Variants in RIMS2 observed in about 807,000 individuals in gnomAD.
RIMS2 encodes the protein regulating synaptic membrane exocytosis 2.
A neutral mutation model predicts 174.4 loss-of-function variants in RIMS2; 59 were observed. The observed-to-expected ratio is 0.34, with a 90% CI of 0.27 to 0.42. RIMS2 has a LOEUF of 0.42. Among genes scored for constraint, RIMS2 ranks in the 10% least tolerant of loss-of-function variants. The pLI, the probability that RIMS2 is intolerant of heterozygous loss-of-function variation, is 1.00. For synonymous variants in RIMS2, 606 were observed against 572.5 expected, an observed-to-expected ratio of 1.06 and a Z score of -0.84; for missense variants, 1,620 against 1,666.3, an observed-to-expected ratio of 0.97 and a Z score of 0.48.
chr8:104,161,541 A>G (rs1209359010), intron 19 of RIMS2, among the ~76,000 whole-genome samples: 1 of 152,208 alleles, frequency 6.6e-6, no homozygotes. Flanking sequence ...CATTTTGTCA[A>G]TAAGAAAGAC....
intron 19 of RIMS2, among the ~76,000 whole-genome samples, chr8:104,060,755 T>C (rs1448202559): frequency 6.6e-6 from 1 of 152,184 alleles, no homozygotes; most frequent in Non-Finnish European, 1.5e-5. Context: ...GTCCCAGAGA[T>C]TGTGGTATGT....
intron 19 of RIMS2, among the ~76,000 whole-genome samples, chr8:104,237,508 G>C (rs759752869): frequency 1.3e-5 from 2 of 152,088 alleles, no homozygotes; most frequent in African/African-American, 2.4e-5. Flanking sequence ...GGACAAACAA[G>C]TCACATGACC....
chr8:104,141,715 A>G (rs907697526), intron 19 of RIMS2, among the ~76,000 whole-genome samples: 11 of 152,132 alleles, frequency 7.2e-5, no homozygotes, highest in Non-Finnish European at 1.6e-4. Flanking sequence ...AATTTCCTCT[A>G]ACAAGCATTC....
intron 3 of RIMS2, among the ~76,000 whole-genome samples, chr8:103,825,081 CT>C (rs1429728971): frequency 6.6e-6 from 1 of 152,044 alleles, no homozygotes; most frequent in African/African-American, 2.4e-5. Context: ...ATTTATTAAT[CT>C]CTGAATTCCC....
intron 17 of RIMS2, among the ~76,000 whole-genome samples, chr8:103,996,863 A>G (rs1395533974): frequency 6.6e-6 from 1 of 151,960 alleles, no homozygotes; most frequent in Admixed American, 6.6e-5. Flanking sequence ...TACTCGGCAT[A>G]TAGTTCAGTG....
At chr8:103,581,410 A>T (rs1381550822) in intron 1 of RIMS2, among the ~76,000 whole-genome samples, 2 of 152,226 alleles carry the variant, frequency 1.3e-5, no homozygotes, top group East Asian at 3.8e-4. Context: ...AAAAGTATTC[A>T]ATGAAATTTG....
chr8:104,029,914 A>G (rs2096351286), intron 19 of RIMS2, among the ~76,000 whole-genome samples: 1 of 152,186 alleles, frequency 6.6e-6, no homozygotes, highest in African/African-American at 2.4e-5. Flanking sequence ...ATACTTTAAT[A>G]TTAATGAGAT....
At chr8:103,610,899 T>C (rs2095346199) in intron 1 of RIMS2, among the ~76,000 whole-genome samples, 1 of 152,208 alleles carries the variant, frequency 6.6e-6, no homozygotes, top group Non-Finnish European at 1.5e-5. Flanking sequence ...ATAGGAATGG[T>C]ATCAACTCTT....
At chr8:103,589,760 T>A (rs1168856431) in intron 1 of RIMS2, among the ~76,000 whole-genome samples, 1 of 151,556 alleles carries the variant, frequency 6.6e-6, no homozygotes, top group African/African-American at 2.4e-5. Context: ...TAAAAAAGAA[T>A]GAGATTTACT....
chr8:104,177,374 A>G (rs2098908558), intron 19 of RIMS2, among the ~76,000 whole-genome samples: 1 of 152,110 alleles, frequency 6.6e-6, no homozygotes, highest in African/African-American at 2.4e-5. Context: ...CATAGGGACT[A>G]CATTAGGATG....
chr8:103,648,516 G>C (rs1486273221), intron 1 of RIMS2, among the ~76,000 whole-genome samples: 1 of 152,074 alleles, frequency 6.6e-6, no homozygotes, highest in Non-Finnish European at 1.5e-5. Context: ...CTGTCTCGAT[G>C]ATCTGTCTCA....
At chr8:104,108,488 T>C (rs948587964) in intron 19 of RIMS2, among the ~76,000 whole-genome samples, 1 of 151,826 alleles carries the variant, frequency 6.6e-6, no homozygotes, top group Non-Finnish European at 1.5e-5. Context: ...TCTGTAGAGA[T>C]GGGATTTTGC....
At chr8:103,521,066 A>T (rs887718632) in intron 1 of RIMS2, among the ~76,000 whole-genome samples, 4 of 147,188 alleles carry the variant, frequency 2.7e-5, no homozygotes, top group African/African-American at 1.0e-4. Context: ...GTTCTCACTC[A>T]TAGGTGGGAA....
intron 19 of RIMS2, among the ~76,000 whole-genome samples, chr8:104,122,453 C>T (rs541641471): frequency 4.1e-4 from 62 of 152,156 alleles, no homozygotes; most frequent in African/African-American, 1.2e-3. Context: ...TCAGGCTTCC[C>T]TCTTGACCTG....
At chr8:103,610,312 T>C (rs1216715815) in intron 1 of RIMS2, among the ~76,000 whole-genome samples, 1 of 152,160 alleles carries the variant, frequency 6.6e-6, no homozygotes, top group Non-Finnish European at 1.5e-5. Flanking sequence ...CCTATTTGGA[T>C]GCCTTTTATT....
chr8:103,518,532 T>C (rs970952818), intron 1 of RIMS2, among the ~76,000 whole-genome samples: 1 of 151,446 alleles, frequency 6.6e-6, no homozygotes, highest in African/African-American at 2.4e-5. Context: ...CATCTATACT[T>C]TATTTGGAAA....
chr8:103,864,187 T>C (rs116461815), intron 3 of RIMS2, among the ~76,000 whole-genome samples: 1 of 152,236 alleles, frequency 6.6e-6, no homozygotes, highest in African/African-American at 2.4e-5. Flanking sequence ...TTCATTTAGT[T>C]CATCATTATT....
At chr8:103,580,628 A>C (rs2093554317) in intron 1 of RIMS2, among the ~76,000 whole-genome samples, 1 of 152,176 alleles carries the variant, frequency 6.6e-6, no homozygotes, top group Non-Finnish European at 1.5e-5. Flanking sequence ...ATGCAATCTA[A>C]GAAGATTTAA....
intron 19 of RIMS2, among the ~76,000 whole-genome samples, chr8:104,064,102 T>A (rs2097058676): frequency 6.6e-6 from 1 of 152,172 alleles, no homozygotes; most frequent in Non-Finnish European, 1.5e-5. Context: ...TAACTTTTTT[T>A]ATATTGGATG....
Sources: gnomAD v4.1 joint callset for allele counts (sites outside exome capture counted in the v4.1 genomes callset) on GRCh38, gnomAD v4.1.1 for gene constraint, MANE v1.5 for transcripts, NCBI Gene and HGNC (gene_info 2026-07-23, HGNC 2026-07-21) for gene names.